The following PARL variants were observed in gnomAD, a reference collection of about 807,000 sequenced individuals.
The protein encoded by PARL is presenilin associated rhomboid like.
PARL carries 44 observed loss-of-function variants against 51.6 expected under a neutral mutation model. That is an observed-to-expected ratio of 0.85 (90% CI 0.67 to 1.10). PARL has a LOEUF of 1.10. Ranked by LOEUF, PARL falls within the 50% of genes least tolerant of loss-of-function variation. The probability of loss-of-function intolerance (pLI) is 0.00; values close to 1 mark genes in which losing one functional copy is unlikely to be tolerated. For synonymous variants in PARL, 172 were observed against 164.0 expected, an observed-to-expected ratio of 1.05 and a Z score of -0.37; for missense variants, 441 against 469.5, an observed-to-expected ratio of 0.94 and a Z score of 0.56.
At position 183,874,567 on chromosome 3, in the gene PARL, C is replaced by T. The variant is rs965808963; in HGVS notation, c.126-6507G>A. Among the ~76,000 whole-genome samples, 7 of 152,204 alleles carry T rather than the reference C, an allele frequency of 4.6e-5. No homozygotes were observed. The East Asian group carries it at 7.7e-4, about 17-fold the overall frequency. On this transcript the variant is annotated intron_variant, in intron 1 of 9. Transcript: ENST00000317096. ...GGGACTACAAGCACCTGCCACCACA[C>T]CGAGCTGATTTTTGTATTTTTAGCA...
chr3:183,846,179 G>A (rs1384169759), intron 4 of PARL, among the ~76,000 whole-genome samples: 1 of 151,876 alleles, frequency 6.6e-6, no homozygotes, highest in Non-Finnish European at 1.5e-5. Flanking sequence ...TAAAATAAAG[G>A]AAAATACATG....
Position 183,882,249 on chromosome 3 carries a change from A to ATATT in PARL, c.125+2472_125+2473insAATA, listed in dbSNP as rs1553906100. ...TATATATATATATATATATATTTAT[A>ATATT]TATATATATATATATATATTTATAT... On this transcript the variant is annotated intron_variant, in intron 1 of 9. Transcript: ENST00000317096. Among the ~76,000 whole-genome samples the ATATT allele has an allele frequency of 5.3e-3, 233 of 43,890 alleles. 11 individuals are homozygous for ATATT. In the East Asian group the frequency reaches 0.082, roughly 15 times the overall value. 28.8% of individuals were successfully genotyped at this position (43,890 alleles called of 152,430 possible).
At chr3:183,883,838 A>G (rs1734824808) in intron 1 of PARL, 1 of 225,232 alleles carries the variant, frequency 4.4e-6, no homozygotes. Flanking sequence ...CTGGGACATA[A>G]AATCCATACA....
chr3:183,873,633 C>A (rs1468979200), intron 1 of PARL, among the ~76,000 whole-genome samples: 1 of 152,046 alleles, frequency 6.6e-6, no homozygotes, highest in Non-Finnish European at 1.5e-5. Context: ...ATGTACTGGA[C>A]TGAGAAATAC....
chr3:183,852,239 G>C (rs1002428164), intron 4 of PARL, among the ~76,000 whole-genome samples: 1 of 152,168 alleles, frequency 6.6e-6, no homozygotes, highest in Non-Finnish European at 1.5e-5. Flanking sequence ...ATAACCAAGA[G>C]ATGGAGACAA....
intron 4 of PARL, among the ~76,000 whole-genome samples, chr3:183,858,359 G>C (rs34600111): frequency 0.05 from 7,569 of 152,160 alleles, 217 homozygotes; most frequent in East Asian, 0.085. Flanking sequence ...GGCAGAAACA[G>C]AACAGCAAAG....
chr3:183,856,047 C>T (rs900257201), intron 4 of PARL, among the ~76,000 whole-genome samples: 2 of 151,950 alleles, frequency 1.3e-5, no homozygotes, highest in Admixed American at 6.6e-5. Flanking sequence ...CTCTGCAGCC[C>T]GGTTCTGGTA....
In PARL at chr3:183,833,793, G is replaced by A. The variant is rs760168024; in HGVS notation, c.861C>T (p.Val287=). The A allele has an allele frequency of 6.2e-7, 1 of 1,613,240 alleles. No individual in the cohort carries two copies. The highest frequency in any genetic ancestry group is 2.2e-5 in the East Asian group (1 of 44,884). ...SGAIMTVLAA[V]CTKIPEGRLA... is the part of the protein sequence containing the mutation. ...GCCTCCCTTCTGGGATCTTAGTGCA[G>A]ACAGCTGCGAGGACTGTCATGATGG... The change falls in exon 8 of 10, where the codon GTC becomes GTT. Residue 287 remains valine (V), a synonymous_variant. Coordinates refer to ENST00000317096, the MANE Select transcript of PARL (RefSeq NM_018622.7).
chr3:183,862,892 G>A (rs1732004439), intron 3 of PARL, 91 bp from the exon 4 acceptor site: 1 of 975,164 alleles, frequency 1.0e-6, no homozygotes, highest in South Asian at 1.3e-5. Context: ...CACATAAGAG[G>A]AATTCCTCTT....
chr3:183,880,751 G>C (rs73044605), intron 1 of PARL, among the ~76,000 whole-genome samples: 23 of 151,946 alleles, frequency 1.5e-4, no homozygotes, highest in Non-Finnish European at 3.2e-4. Context: ...AGAAGAAAAA[G>C]TTACACCAAT....
intron 4 of PARL, among the ~76,000 whole-genome samples, chr3:183,854,425 A>G (rs1730902371): frequency 6.6e-6 from 1 of 152,182 alleles, no homozygotes; most frequent in African/African-American, 2.4e-5. Flanking sequence ...AAGGAAGTAA[A>G]TACTGTCACG....
At chr3:183,829,095 C>CT (rs1727627983), downstream of PARL, among the ~76,000 whole-genome samples, 1 of 152,210 alleles carries the variant, frequency 6.6e-6, no homozygotes, top group South Asian at 2.1e-4. Context: ...ATGCCACTCA[C>CT]TGCCAGAAAA....
At chr3:183,868,166 C>T (rs1732757866) in intron 1 of PARL, 106 bp from the exon 2 acceptor site, 1 of 818,888 alleles carries the variant, frequency 1.2e-6, no homozygotes, top group Non-Finnish European at 2.1e-6. Flanking sequence ...TTTATTCTCA[C>T]TCTACAGTCC....
At chr3:183,881,179 T>C (rs1734396291) in intron 1 of PARL, among the ~76,000 whole-genome samples, 1 of 149,780 alleles carries the variant, frequency 6.7e-6, no homozygotes. Flanking sequence ...TGGAGTACAG[T>C]GATGCAATCT....
chr3:183,882,536 T>C (rs1734688976), intron 1 of PARL, among the ~76,000 whole-genome samples: 1 of 152,044 alleles, frequency 6.6e-6, no homozygotes, highest in Admixed American at 6.6e-5. Flanking sequence ...TTTCTTCCCT[T>C]GGATAGTTTC....
chr3:183,849,843 G>T (rs1730359108), intron 4 of PARL, among the ~76,000 whole-genome samples: 1 of 151,974 alleles, frequency 6.6e-6, no homozygotes, highest in African/African-American at 2.4e-5. Flanking sequence ...CTAAAATCAG[G>T]AATGAAAGCA....
chr3:183,882,394 C>CACAT (rs1734657966), intron 1 of PARL, among the ~76,000 whole-genome samples: 1 of 52,692 alleles, frequency 1.9e-5, no homozygotes, highest in African/African-American at 9.0e-5. Flanking sequence ...CATATATATG[C>CACAT]ACATATACAC....
chr3:183,830,727 A>G (rs528293251), intron 9 of PARL, among the ~76,000 whole-genome samples: 2 of 152,296 alleles, frequency 1.3e-5, no homozygotes, highest in South Asian at 4.1e-4. Flanking sequence ...AATATTTTAA[A>G]AATGTTCTGA....
chr3:183,838,898 T>C lies in PARL; in HGVS notation c.828+1672A>G, dbSNP rs73887534. On this transcript the variant is annotated intron_variant, in intron 7 of 9. Transcript: ENST00000317096. ...CACTCTTAGAGCCCCCAAAGTCCTC[T>C]AGAGAATCCTCATTCCTTTCAGTGT... 0.011 allele frequency among the ~76,000 whole-genome samples: 1,610 copies of C among 152,306 alleles called. 128 individuals are homozygous for C. In the East Asian group the frequency reaches 0.19, roughly 18 times the overall value.
Sources: gnomAD v4.1 joint callset for allele counts (sites outside exome capture counted in the v4.1 genomes callset) on GRCh38, gnomAD v4.1.1 for gene constraint, MANE v1.5 for transcripts, NCBI Gene and HGNC (gene_info 2026-07-23, HGNC 2026-07-21) for gene names.